The following DNER variants were observed in gnomAD, a reference collection of about 807,000 sequenced individuals.
DNER encodes delta and Notch-like epidermal growth factor-related receptor.
DNER carries 33 observed loss-of-function variants against 78.2 expected under a neutral mutation model. That is an observed-to-expected ratio of 0.42 (90% CI 0.32 to 0.56). The LOEUF (loss-of-function observed/expected upper bound fraction) is 0.56. Among genes scored for constraint, DNER ranks in the 20% least tolerant of loss-of-function variants. The pLI is 0.11. For synonymous variants in DNER, 417 were observed against 384.8 expected, an observed-to-expected ratio of 1.08 and a Z score of -0.98; for missense variants, 918 against 975.3, an observed-to-expected ratio of 0.94 and a Z score of 0.78.
intron 5 of DNER, among the ~76,000 whole-genome samples, 165 bp downstream of exon 5, chr2:229,546,782 T>TAGAC (rs1194598803): frequency 6.8e-6 from 1 of 147,406 alleles, no homozygotes; most frequent in Non-Finnish European, 1.5e-5. Context: ...GACAGACAGA[T>TAGAC]AGACAGATAG....
At chr2:229,524,739 G>T (rs1410518648) in intron 5 of DNER, among the ~76,000 whole-genome samples, 1 of 152,198 alleles carries the variant, frequency 6.6e-6, no homozygotes, top group Non-Finnish European at 1.5e-5. Flanking sequence ...CCAGGGAGGA[G>T]CTGCACCTGC....
chr2:229,595,071 C>T (rs1330044024), intron 1 of DNER, among the ~76,000 whole-genome samples: 1 of 151,262 alleles, frequency 6.6e-6, no homozygotes, highest in Non-Finnish European at 1.5e-5. Context: ...AGTACAAGCA[C>T]AAAAAGCACC....
chr2:229,484,252 A>G (rs1695225070), intron 6 of DNER, among the ~76,000 whole-genome samples: 1 of 152,226 alleles, frequency 6.6e-6, no homozygotes, highest in South Asian at 2.1e-4. Flanking sequence ...CCTAATGCAC[A>G]TTAAAATAAA....
chr2:229,651,229 G>C (rs963570114), intron 1 of DNER, among the ~76,000 whole-genome samples: 1 of 152,166 alleles, frequency 6.6e-6, no homozygotes, highest in African/African-American at 2.4e-5. Context: ...TCAGCAAGCT[G>C]CCCTGCCGCT....
At position 229,411,744 on chromosome 2, in the gene DNER, G is replaced by A. The variant is rs147410619; in HGVS notation, c.1610-4399C>T. Among the ~76,000 whole-genome samples the A allele has an allele frequency of 8.0e-3, 1,222 of 152,178 alleles. 17 individuals are homozygous for A. The highest frequency in any genetic ancestry group is 0.027 in the African/African-American group (1,141 of 41,514). On this transcript the variant is annotated intron_variant, in intron 9 of 12. Transcript: ENST00000341772. Reference sequence around the variant, plus strand: ...AAGCAATGGATAAGTATTCTCTCATGGGAACATTACAAAGCCATTTAAAAT... The same window carrying A: ...AAGCAATGGATAAGTATTCTCTCATAGGAACATTACAAAGCCATTTAAAAT...
At position 229,483,573 on chromosome 2, in the gene DNER, A is replaced by C. The variant is rs146103904; in HGVS notation, c.1148-6320T>G. 4.3e-3 allele frequency among the ~76,000 whole-genome samples: 661 copies of C among 152,338 alleles called. 2 individuals carry two copies. Among genetic ancestry groups the C allele is most frequent in the African/African-American group, 0.015 (636 of 41,576 alleles). On this transcript the variant is annotated intron_variant, in intron 6 of 12. Transcript: ENST00000341772. ...AAGTCAGAACCCATTGGGATGTTGA[A>C]CAGAGCTTGAGAATCATTATAGTGT...
chr2:229,662,082 T>A (rs558897671), intron 1 of DNER, among the ~76,000 whole-genome samples: 2 of 152,320 alleles, frequency 1.3e-5, no homozygotes, highest in South Asian at 2.1e-4. Context: ...GAGCACTCAA[T>A]TTAGTCATAT....
At chr2:229,448,967 C>T (rs562968138) in intron 7 of DNER, among the ~76,000 whole-genome samples, 1 of 152,272 alleles carries the variant, frequency 6.6e-6, no homozygotes, top group South Asian at 2.1e-4. Flanking sequence ...ACCAAAATAA[C>T]TCCCAGATTT....
intron 1 of DNER, among the ~76,000 whole-genome samples, chr2:229,621,926 A>AT (rs1341879249): frequency 6.6e-6 from 1 of 152,124 alleles, no homozygotes; most frequent in Non-Finnish European, 1.5e-5. Context: ...TCTACTAAAA[A>AT]TAAAAAAAAA....
In DNER at chr2:229,479,730, AAC is replaced by A. The variant is rs1491073180; in HGVS notation, c.1148-2479_1148-2478del. 1.1e-4 allele frequency among the ~76,000 whole-genome samples: 13 copies of A among 117,040 alleles called. 1 individual carries two copies. The highest frequency in any genetic ancestry group is 3.2e-4 in the South Asian group (1 of 3,108). The allele number at this position is 117,040 out of a possible 152,430, so 76.8% of individuals were successfully genotyped here. A position where few individuals can be genotyped will look rare whatever the true frequency, so the allele number is the denominator to read the frequency against. ...TTTGTCTCAAAAAAAAAAAAAAAAA[AAC>A]AAAAAACCATAAATATAAATATTCA... On this transcript the variant is annotated intron_variant, in intron 6 of 12. Coordinates refer to ENST00000341772, the MANE Select transcript of DNER (RefSeq NM_139072.4).
intron 6 of DNER, among the ~76,000 whole-genome samples, chr2:229,501,728 A>T (rs953428063): frequency 1.3e-5 from 2 of 152,198 alleles, no homozygotes; most frequent in Non-Finnish European, 2.9e-5. Context: ...ATACATTTTC[A>T]AAAAGAAGGC....
At chr2:229,430,111 G>T (rs1398791130) in intron 8 of DNER, among the ~76,000 whole-genome samples, 1 of 152,236 alleles carries the variant, frequency 6.6e-6, no homozygotes, top group Middle Eastern at 3.4e-3. Flanking sequence ...TTCTTTACCA[G>T]TGCCTGTTTT....
chr2:229,636,408 G>T (rs1419428824), intron 1 of DNER, among the ~76,000 whole-genome samples: 2 of 152,148 alleles, frequency 1.3e-5, no homozygotes, highest in African/African-American at 2.4e-5. Context: ...TGAACAGAAG[G>T]CACCCTCGAG....
At chr2:229,477,060 A>G in intron 7 of DNER, 80 bp downstream of exon 7, 1 of 1,173,776 alleles carries the variant, frequency 8.5e-7, no homozygotes, top group Non-Finnish European at 1.2e-6. Flanking sequence ...AGTTTTGCAG[A>G]AACAAAGTAT....
intron 6 of DNER, among the ~76,000 whole-genome samples, chr2:229,482,509 C>T (rs1263542182): frequency 6.6e-6 from 1 of 152,138 alleles, no homozygotes; most frequent in Non-Finnish European, 1.5e-5. Flanking sequence ...AGTCCTGCCA[C>T]CGACCACCGT....
At chr2:229,673,739 G>A (rs1011080471) in intron 1 of DNER, among the ~76,000 whole-genome samples, 17 of 152,290 alleles carry the variant, frequency 1.1e-4, no homozygotes, top group South Asian at 6.2e-4. Flanking sequence ...ATGCATCATC[G>A]ACAAAAGAAA....
chr2:229,515,743 C>T (rs1232259905), intron 5 of DNER, among the ~76,000 whole-genome samples: 2 of 150,546 alleles, frequency 1.3e-5, no homozygotes, highest in African/African-American at 2.5e-5. Context: ...TGGGTGCAAG[C>T]GATTCTCATG....
intron 9 of DNER, among the ~76,000 whole-genome samples, chr2:229,409,940 G>A (rs1693472976): frequency 6.6e-6 from 1 of 152,076 alleles, no homozygotes. Flanking sequence ...TTTAAACACG[G>A]AGAATAGACA....
intron 1 of DNER, among the ~76,000 whole-genome samples, chr2:229,607,220 C>T (rs1022262532): frequency 6.6e-6 from 1 of 152,124 alleles, no homozygotes; most frequent in Non-Finnish European, 1.5e-5. Context: ...CTTTAATTAA[C>T]TGACCTGATT....
Sources: gnomAD v4.1 joint callset for allele counts (sites outside exome capture counted in the v4.1 genomes callset) on GRCh38, gnomAD v4.1.1 for gene constraint, MANE v1.5 for transcripts, NCBI Gene and HGNC (gene_info 2026-07-23, HGNC 2026-07-21) for gene names.